The following SKA1 variants were observed in gnomAD, a reference collection of about 807,000 sequenced individuals.
The protein encoded by SKA1 is SKA complex subunit 1.
A neutral mutation model predicts 31.8 loss-of-function variants in SKA1; 20 were observed. The observed-to-expected ratio is 0.63, with a 90% CI of 0.44 to 0.91. SKA1 has a LOEUF of 0.91. Ranked by LOEUF, SKA1 falls within the 40% of genes least tolerant of loss-of-function variation. The pLI is 0.00. For synonymous variants in SKA1, 88 were observed against 100.5 expected, an observed-to-expected ratio of 0.88 and a Z score of 0.74; for missense variants, 253 against 298.2, an observed-to-expected ratio of 0.85 and a Z score of 1.12.
rs1016765419 is a variant in SKA1 at position 50,384,765 on chromosome 18, G to A, written c.312-451G>A. ...AGATATACCTAATGCTAGATGACAC[G>A]TTAGTGGGTGCAGCGCACCAGCATG... On this transcript the variant is annotated intron_variant, in intron 4 of 6. Coordinates refer to ENST00000285116, the MANE Select transcript of SKA1 (RefSeq NM_145060.4). Among the ~76,000 whole-genome samples the A allele has an allele frequency of 8.8e-5, 12 of 136,780 alleles. 1 individual carries two copies. The highest frequency in any genetic ancestry group is 3.3e-3 in the Middle Eastern group (1 of 302). The allele number at this position is 136,780 out of a possible 152,430, so 89.7% of individuals were successfully genotyped here. A position where few individuals can be genotyped will look rare whatever the true frequency, so the allele number is the denominator to read the frequency against.
chr18:50,384,892 G>GAAA (rs796154111), intron 4 of SKA1, among the ~76,000 whole-genome samples: 4 of 68,560 alleles, frequency 5.8e-5, no homozygotes, highest in African/African-American at 1.5e-4. Flanking sequence ...AAAAAAAAAG[G>GAAA]AAAAAAAAAA....
At chr18:50,379,358 G>A (rs1433147894) in intron 2 of SKA1, among the ~76,000 whole-genome samples, 1 of 152,084 alleles carries the variant, frequency 6.6e-6, no homozygotes, top group African/African-American at 2.4e-5. Context: ...GACTTTTTAT[G>A]TTACTTTGTC....
chr18:50,379,439 AAG>A (rs1165107887), intron 2 of SKA1, among the ~76,000 whole-genome samples: 1 of 149,790 alleles, frequency 6.7e-6, no homozygotes, highest in Non-Finnish European at 1.5e-5. Context: ...CAAATTCTGA[AAG>A]AGAGTTTCAC....
rs755870647 is a variant in SKA1, at chr18:50,391,358, T to C, written c.619+65T>C. The C allele has an allele frequency of 3.0e-6, 4 of 1,319,508 alleles. No individual in the cohort carries two copies. The South Asian group carries it at 6.8e-5, about 22-fold the overall frequency. The allele number at this position is 1,319,508 out of a possible 1,614,324, so 81.7% of individuals were successfully genotyped here. A position where few individuals can be genotyped will look rare whatever the true frequency, so the allele number is the denominator to read the frequency against. On this transcript the variant is annotated intron_variant, in intron 6 of 6. Transcript: ENST00000285116. ...CAGAGTATAACTAAATCACGAGAAA[T>C]GTAGCTAGTTCTAGAAAATTCTAAA...
At chr18:50,387,567 C>A (rs1349671355) in intron 5 of SKA1, among the ~76,000 whole-genome samples, 1 of 152,072 alleles carries the variant, frequency 6.6e-6, no homozygotes, top group Non-Finnish European at 1.5e-5. Flanking sequence ...TTTCTCTTTG[C>A]ATTTTAGTTT....
At chr18:50,384,609 CAG>C (rs1015500532) in intron 4 of SKA1, among the ~76,000 whole-genome samples, 52 of 149,214 alleles carry the variant, frequency 3.5e-4, no homozygotes, top group African/African-American at 1.2e-3. Flanking sequence ...TTTCCAGATT[CAG>C]AGTTAGGGAC....
chr18:50,378,882 A>G (rs2041242049), intron 2 of SKA1, among the ~76,000 whole-genome samples: 1 of 92,980 alleles, frequency 1.1e-5, no homozygotes, highest in Admixed American at 1.3e-4. Context: ...GCTCTATTAG[A>G]TAGAATGATA....
At chr18:50,381,840 C>G (rs575348731) in intron 3 of SKA1, among the ~76,000 whole-genome samples, 9 of 152,048 alleles carry the variant, frequency 5.9e-5, no homozygotes, top group African/African-American at 2.2e-4. Flanking sequence ...GTTCTCCCCC[C>G]TCAGCCTCCT....
rs1428826573 is a variant in SKA1 at position 50,392,340 on chromosome 18, CT to C, written c.*99del. ...ATATATAATTTTTTTAACTTTTAATCTTTTTTGTTTCCTTTTTTTTTTTTTT... is the reference window on the plus strand; with the variant it reads ...ATATATAATTTTTTTAACTTTTAATCTTTTTGTTTCCTTTTTTTTTTTTTT... On this transcript the variant is annotated 3_prime_UTR_variant, in exon 7 of 7. Coordinates refer to ENST00000285116, the MANE Select transcript of SKA1 (RefSeq NM_145060.4). 2 of 802,406 alleles carry C rather than the reference CT, an allele frequency of 2.5e-6. No homozygotes were observed. Among genetic ancestry groups the C allele is most frequent in the East Asian group, 3.4e-5 (1 of 29,026 alleles). 49.7% of individuals were successfully genotyped at this position (802,406 alleles called of 1,614,324 possible).
chr18:50,375,815 T>C lies in SKA1; in HGVS notation c.-11-5T>C. On this transcript the variant is annotated splice_polypyrimidine_tract_variant and splice_region_variant and intron_variant, in intron 1 of 6. Coordinates refer to ENST00000285116, the MANE Select transcript of SKA1 (RefSeq NM_145060.4). Reference sequence around the variant, plus strand: ...TTACGAATATGTTTATGTTTTTTTCTTCAGAGGCTTAAAGGATGGCCTCGT... The same window carrying C: ...TTACGAATATGTTTATGTTTTTTTCCTCAGAGGCTTAAAGGATGGCCTCGT... 6.5e-7 allele frequency: 1 copy of C among 1,550,300 alleles called. No individual in the cohort carries two copies. Among genetic ancestry groups the C allele is most frequent in the Non-Finnish European group, 8.7e-7 (1 of 1,145,502 alleles).
chr18:50,382,165 A>C lies in SKA1; in HGVS notation c.250A>C (p.Ile84Leu). 2 of 1,546,620 alleles carry C rather than the reference A, an allele frequency of 1.3e-6. No homozygotes were observed. Among genetic ancestry groups the C allele is most frequent in the Non-Finnish European group, 1.7e-6 (2 of 1,155,626 alleles). Reference sequence around the variant, plus strand: ...ATCTCTTGAAGAAGATTACAAAGACATAGAACATCTTAAAGAAAACGTTCC... The same window carrying C: ...ATCTCTTGAAGAAGATTACAAAGACCTAGAACATCTTAAAGAAAACGTTCC... ...CESLEEDYKDIEHLKENVPSH... is the reference protein window; with the variant it reads ...CESLEEDYKDLEHLKENVPSH... Residue 84 changes from isoleucine (I) to leucine (L), a missense_variant, in exon 4 of 7, where the codon ATA (isoleucine) becomes CTA (leucine). Ile to Leu is a conservative substitution (Grantham distance 5). Coordinates refer to ENST00000285116, the MANE Select transcript of SKA1 (RefSeq NM_145060.4).
intron 4 of SKA1, among the ~76,000 whole-genome samples, chr18:50,384,870 T>TAAAAAAAAAAAAAAAAAAAAAAAA (rs1568329774): frequency 4.9e-5 from 3 of 61,284 alleles, no homozygotes; most frequent in African/African-American, 7.6e-5. Context: ...AAAAAAAAAA[T>TAAAAAAAAAAAAAAAAAAAAAAAA]TAAAAAAAAA....
chr18:50,393,935 T>C lies in SKA1; in HGVS notation c.*1688T>C, dbSNP rs2041380352. 1 of 152,136 alleles carries C rather than the reference T, an allele frequency of 6.6e-6. No homozygotes were observed. Among genetic ancestry groups the C allele is most frequent in the South Asian group, 2.1e-4 (1 of 4,830 alleles). 9.4% of individuals were successfully genotyped at this position (152,136 alleles called of 1,614,324 possible). ...AGGGGAGAGGGGCTGGAGATTTGTG[T>C]CAATAATCCATCAGGCCTATGTCAA... On this transcript the variant is annotated 3_prime_UTR_variant, in exon 7 of 7. Coordinates refer to ENST00000285116, the MANE Select transcript of SKA1 (RefSeq NM_145060.4).
chr18:50,387,436 G>C (rs8082970), intron 5 of SKA1, among the ~76,000 whole-genome samples: 9,842 of 152,218 alleles, frequency 0.065, 901 homozygotes, highest in African/African-American at 0.2. Flanking sequence ...TTGTTTTCTT[G>C]TCATTGAATT....
chr18:50,393,947 C>T lies in SKA1; in HGVS notation c.*1700C>T, dbSNP rs2041380441. On this transcript the variant is annotated 3_prime_UTR_variant, in exon 7 of 7. Transcript: ENST00000285116. Reference sequence around the variant, plus strand: ...CTGGAGATTTGTGTCAATAATCCATCAGGCCTATGTCAACAAGACATAATC... The same window carrying T: ...CTGGAGATTTGTGTCAATAATCCATTAGGCCTATGTCAACAAGACATAATC... 6.6e-6 allele frequency: 1 copy of T among 152,158 alleles called. No individual in the cohort carries two copies. Among genetic ancestry groups the T allele is most frequent in the Admixed American group, 6.5e-5 (1 of 15,268 alleles). The allele number at this position is 152,158 out of a possible 1,614,324, so 9.4% of individuals were successfully genotyped here. A position where few individuals can be genotyped will look rare whatever the true frequency, so the allele number is the denominator to read the frequency against.
rs755240307 is a variant in SKA1 at position 50,382,111 on chromosome 18, A to G, written c.214-18A>G. 6.5e-6 allele frequency: 9 copies of G among 1,376,518 alleles called. No individual in the cohort carries two copies. The Admixed American group carries it at 9.6e-5, about 15-fold the overall frequency. The allele number at this position is 1,376,518 out of a possible 1,614,324, so 85.3% of individuals were successfully genotyped here. A position where few individuals can be genotyped will look rare whatever the true frequency, so the allele number is the denominator to read the frequency against. Reference sequence around the variant, plus strand: ...TGGGGAGGACAGAGACTTATTTGTGAGCACTTTTAAATTTTAGGAACTCTG... The same window carrying G: ...TGGGGAGGACAGAGACTTATTTGTGGGCACTTTTAAATTTTAGGAACTCTG... On this transcript the variant is annotated intron_variant, in intron 3 of 6. Transcript: ENST00000285116.
rs79038584 is a variant in SKA1 at position 50,392,366 on chromosome 18, T to G, written c.*119T>G. 1 of 612,926 alleles carries G rather than the reference T, an allele frequency of 1.6e-6. No homozygotes were observed. Among genetic ancestry groups the G allele is most frequent in the Non-Finnish European group, 2.3e-6 (1 of 429,880 alleles). 38.0% of individuals were successfully genotyped at this position (612,926 alleles called of 1,614,324 possible). Reference sequence around the variant, plus strand: ...TTTTTTGTTTCCTTTTTTTTTTTTTTGAGACAGGATCTTGCTTTGTCACCC... The same window carrying G: ...TTTTTTGTTTCCTTTTTTTTTTTTTGGAGACAGGATCTTGCTTTGTCACCC... On this transcript the variant is annotated 3_prime_UTR_variant, in exon 7 of 7. Coordinates refer to ENST00000285116, the MANE Select transcript of SKA1 (RefSeq NM_145060.4).
intron 1 of SKA1, among the ~76,000 whole-genome samples, chr18:50,375,472 A>AT (rs1188811888): frequency 6.6e-6 from 1 of 152,224 alleles, no homozygotes; most frequent in Non-Finnish European, 1.5e-5. Flanking sequence ...AGTGTAACAC[A>AT]TTTTTAAAAA....
In SKA1 at chr18:50,391,018, C is replaced by T. The variant is rs536472667; in HGVS notation, c.450-106C>T. 33 of 730,338 alleles carry T rather than the reference C, an allele frequency of 4.5e-5. 1 individual carries two copies. In the South Asian group the frequency reaches 8.3e-4, roughly 18 times the overall value. The allele number at this position is 730,338 out of a possible 1,614,324, so 45.2% of individuals were successfully genotyped here. A position where few individuals can be genotyped will look rare whatever the true frequency, so the allele number is the denominator to read the frequency against. On this transcript the variant is annotated intron_variant, in intron 5 of 6. Transcript: ENST00000285116. ...TATAAGATTGTTTTTATAAAGGGTA[C>T]TGTAGTTTTACTGTTGTACAAAGTC...
Sources: allele counts gnomAD v4.1 joint callset (sites outside exome capture counted in the v4.1 genomes callset), GRCh38; gene constraint gnomAD v4.1.1; transcripts MANE v1.5; gene names NCBI Gene and HGNC (gene_info 2026-07-23, HGNC 2026-07-21).